Variants in MORC3 observed in about 807,000 individuals in gnomAD.
MORC3 encodes the protein MORC family CW-type zinc finger 3.
A neutral mutation model predicts 109.1 loss-of-function variants in MORC3; 31 were observed. That is an observed-to-expected ratio of 0.28 (90% CI 0.21 to 0.38). The LOEUF is 0.38. Ranked by LOEUF, MORC3 falls within the 10% of genes least tolerant of loss-of-function variation. MORC3 has a pLI of 1.00. For synonymous variants in MORC3, 395 were observed against 380.7 expected (o/e 1.04, Z -0.44); for missense variants, 867 against 1,135.8 (o/e 0.76, Z 3.40).
At chr21:36,372,872 CT>C (rs753022949) in intron 16 of MORC3, among the ~76,000 whole-genome samples, 2 of 152,288 alleles carry the variant, frequency 1.3e-5, no homozygotes, top group East Asian at 1.9e-4. Flanking sequence ...AGACAGGAGA[CT>C]TTTACTGAAA....
At chr21:36,350,685 T>C (rs890929824) in intron 9 of MORC3, among the ~76,000 whole-genome samples, 2 of 151,994 alleles carry the variant, frequency 1.3e-5, no homozygotes, top group African/African-American at 4.8e-5. Context: ...CTACAGAGCC[T>C]CCAGACATGA....
rs1333789045 is a variant in MORC3, at chr21:36,369,443, C to T, written c.2075C>T (p.Ala692Val). 6.2e-7 allele frequency: 1 copy of T among 1,614,132 alleles called. No individual in the cohort carries two copies. The highest frequency in any genetic ancestry group is 1.7e-5 in the Admixed American group (1 of 60,020). The change falls in exon 15 of 17, where the codon GCA (alanine) becomes GTA (valine). Residue 692 changes from alanine (A) to valine (V), a missense_variant. Transcript: ENST00000400485. The part of the protein sequence containing the change: ...QETTDKSADD[A>V]GCQLQELRNQ... ...ACCACCGATAAATCTGCAGATGATG[C>T]AGGCTGCCAATTACAAGAACTGAGA... is the stretch of plus-strand genomic sequence containing the variant.
At chr21:36,347,007 T>TA (rs754081259) in intron 8 of MORC3, among the ~76,000 whole-genome samples, 6,528 of 113,562 alleles carry the variant, frequency 0.057, 200 homozygotes, top group Middle Eastern at 0.11. Flanking sequence ...CCCTGTCTCT[T>TA]AAAAAAAAAA....
intron 16 of MORC3, 135 bp from the exon 17 acceptor site, chr21:36,375,008 G>A (rs1179728621): frequency 1.2e-6 from 1 of 825,728 alleles, no homozygotes; most frequent in Non-Finnish European, 1.8e-6. Flanking sequence ...AGTTCTCTAG[G>A]GGAGGTTTTG....
chr21:36,324,169 C>G (rs2085223178), intron 1 of MORC3, among the ~76,000 whole-genome samples: 1 of 152,100 alleles, frequency 6.6e-6, no homozygotes, highest in East Asian at 1.9e-4. Context: ...GGCACCGAGC[C>G]CGGCCACCAT....
At chr21:36,360,569 G>A in intron 12 of MORC3, 1 of 363,852 alleles carries the variant, frequency 2.7e-6, no homozygotes, top group Non-Finnish European at 5.1e-6. Context: ...TGTAACAGAA[G>A]AGGTGATACA....
Position 36,369,200 on chromosome 21 carries a change from A to G in MORC3, c.1832A>G (p.Glu611Gly). ...SHVEQGGVQV[E>G]FVGDSEPCGQ... ...GTTGAGCAAGGTGGTGTTCAGGTTG[A>G]GTTTGTGGGTGACAGTGAACCTTGT... Residue 611 changes from glutamate (E) to glycine (G), a missense_variant, in exon 15 of 17, where the codon GAG becomes GGG. This residue lies in a region of MORC3 where 486 missense variants were observed against 502.1 expected (regional missense o/e 0.97). Coordinates refer to ENST00000400485, the MANE Select transcript of MORC3 (RefSeq NM_015358.3). The G allele has an allele frequency of 1.2e-6, 2 of 1,614,196 alleles. No homozygotes were observed. The highest frequency in any genetic ancestry group is 1.1e-5 in the South Asian group (1 of 91,082).
In MORC3 at chr21:36,324,686, T is replaced by C. The variant is rs116189685; in HGVS notation, c.39+4383T>C. ...GTTTCTAATTTTAAACACTCTCAAA[T>C]GTCTGGAAACAGCCTTCTCATTTTT... On this transcript the variant is annotated intron_variant, in intron 1 of 16. Coordinates refer to ENST00000400485, the MANE Select transcript of MORC3 (RefSeq NM_015358.3). Among the ~76,000 whole-genome samples the C allele has an allele frequency of 6.1e-3, 923 of 151,894 alleles. 9 individuals carry two copies. Among genetic ancestry groups the C allele is most frequent in the African/African-American group, 0.021 (887 of 41,404 alleles).
chr21:36,324,706 AT>A (rs1215853489), intron 1 of MORC3, among the ~76,000 whole-genome samples: 3,866 of 125,108 alleles, frequency 0.031, 78 homozygotes, highest in African/African-American at 0.093. Context: ...CAGCCTTCTC[AT>A]TTTTTTTTTT....
intron 1 of MORC3, among the ~76,000 whole-genome samples, chr21:36,324,753 G>C (rs184390105): frequency 0.01 from 1,486 of 147,236 alleles, 27 homozygotes; most frequent in African/African-American, 0.036. Flanking sequence ...TGTTGCCCAG[G>C]CTGGAGTGCA....
intron 1 of MORC3, among the ~76,000 whole-genome samples, chr21:36,331,964 A>G (rs1214955684): frequency 1.3e-5 from 2 of 151,612 alleles, no homozygotes; most frequent in Non-Finnish European, 2.9e-5. Flanking sequence ...ACACAGTGAG[A>G]CTCCTGTCTC....
intron 1 of MORC3, among the ~76,000 whole-genome samples, chr21:36,327,240 T>G (rs1180614427): frequency 7.5e-6 from 1 of 132,960 alleles, no homozygotes; most frequent in Non-Finnish European, 1.5e-5. Flanking sequence ...CACTGCAACC[T>G]CTTCCTCCCA....
intron 1 of MORC3, among the ~76,000 whole-genome samples, chr21:36,326,294 C>T (rs1253905146): frequency 1.3e-5 from 2 of 151,926 alleles, no homozygotes; most frequent in East Asian, 1.9e-4. Flanking sequence ...GAGGCTAAGG[C>T]GGGCAGATCA....
chr21:36,351,989 C>T (rs550309436), intron 9 of MORC3, among the ~76,000 whole-genome samples: 3 of 152,088 alleles, frequency 2.0e-5, no homozygotes, highest in African/African-American at 7.2e-5. Flanking sequence ...ATGTCAGTCT[C>T]TTATCATAGA....
rs1252630737 is a variant in MORC3 at position 36,375,435 on chromosome 21, TGTG to T, written c.*142_*144del. ...CTTTACTGTATTCTATGCATTCAAA[TGTG>T]GTCACAAATATTGTGGACACATTAT... On this transcript the variant is annotated 3_prime_UTR_variant, in exon 17 of 17. Transcript: ENST00000400485. The T allele has an allele frequency of 4.0e-6, 3 of 742,794 alleles. No homozygotes were observed. The highest frequency in any genetic ancestry group is 5.8e-5 in the East Asian group (2 of 34,746). 46.0% of individuals were successfully genotyped at this position (742,794 alleles called of 1,614,324 possible).
At chr21:36,321,043 A>G (rs1012081149) in intron 1 of MORC3, among the ~76,000 whole-genome samples, 1 of 152,150 alleles carries the variant, frequency 6.6e-6, no homozygotes, top group Admixed American at 6.6e-5. Context: ...CTACCTTGTG[A>G]GCGCAGTTGA....
rs2085881550 is a variant in MORC3 at position 36,372,491 on chromosome 21, A to C, written c.2626A>C (p.Ser876Arg). Residue 876 changes from serine (S) to arginine (R), a missense_variant, in exon 16 of 17, where the codon AGT becomes CGT. Around this residue, in one of 7 missense-constraint regions of MORC3, gnomAD observed 486 missense variants for 502.1 expected, o/e 0.97. Coordinates refer to ENST00000400485, the MANE Select transcript of MORC3 (RefSeq NM_015358.3). ...QQTATDVSTS[S>R]NIEESVNHMD... ...GACGGCAACAGATGTTTCAACATCAAGTAACATTGAGGAGTCTGTAAATCA... is the reference window on the plus strand; with the variant it reads ...GACGGCAACAGATGTTTCAACATCACGTAACATTGAGGAGTCTGTAAATCA... The C allele has an allele frequency of 6.2e-7, 1 of 1,603,170 alleles. No individual in the cohort carries two copies. Among genetic ancestry groups the C allele is most frequent in the South Asian group, 1.1e-5 (1 of 88,410 alleles).
chr21:36,370,269 T>A (rs553970834), intron 15 of MORC3, among the ~76,000 whole-genome samples: 1 of 152,262 alleles, frequency 6.6e-6, no homozygotes, highest in Admixed American at 6.5e-5. Context: ...CTGTTCTTAT[T>A]GAGTGTCTGT....
At chr21:36,340,245 TC>T (rs1470912658) in intron 5 of MORC3, among the ~76,000 whole-genome samples, 1 of 146,564 alleles carries the variant, frequency 6.8e-6, no homozygotes, top group Non-Finnish European at 1.5e-5. Context: ...ACCACTGCAC[TC>T]CAGCCTGGGC....
Sources: gnomAD v4.1 joint callset for allele counts (sites outside exome capture counted in the v4.1 genomes callset) on GRCh38, gnomAD v4.1.1 for gene constraint, gnomAD v4.1.1 regional missense constraint, MANE v1.5 for transcripts, NCBI Gene and HGNC (gene_info 2026-07-23, HGNC 2026-07-21) for gene names.